Variants in PALLD observed in about 807,000 individuals in gnomAD.
PALLD encodes palladin.
PALLD carries 61 observed loss-of-function variants against 123.5 expected under a neutral mutation model. That is an observed-to-expected ratio of 0.49 (90% CI 0.40 to 0.61). PALLD has a LOEUF of 0.61. PALLD is among the 20% of genes least tolerant of loss of function. PALLD has a pLI of 0.00. For missense variants in PALLD, 1,273 were observed against 1,377.0 expected, an observed-to-expected ratio of 0.92 and a Z score of 1.20; for synonymous variants, 465 against 496.4, an observed-to-expected ratio of 0.94 and a Z score of 0.84.
At chr4:168,700,052 AC>A in intron 8 of PALLD, 1 of 330,478 alleles carries the variant, frequency 3.0e-6, no homozygotes, top group Non-Finnish European at 6.0e-6. Context: ...GTGAGATGCC[AC>A]CAGATGAAAA....
intron 10 of PALLD, among the ~76,000 whole-genome samples, chr4:168,821,298 A>T (rs562527415): frequency 1.3e-5 from 2 of 152,328 alleles, no homozygotes; most frequent in East Asian, 3.9e-4. Flanking sequence ...TAAGCATGAC[A>T]TTAGAAATGG....
intron 2 of PALLD, among the ~76,000 whole-genome samples, chr4:168,629,934 A>G (rs781275192): frequency 6.6e-6 from 1 of 152,212 alleles, no homozygotes; most frequent in African/African-American, 2.4e-5. Context: ...TGTCTAAGAC[A>G]TTTATATATG....
chr4:168,712,701 G>C (rs947985530), intron 10 of PALLD, among the ~76,000 whole-genome samples: 6 of 152,262 alleles, frequency 3.9e-5, no homozygotes, highest in African/African-American at 1.4e-4. Flanking sequence ...TAGTGGAAAT[G>C]TAAGAGTCAT....
intron 2 of PALLD, among the ~76,000 whole-genome samples, chr4:168,664,585 C>G (rs1383623019): frequency 6.6e-6 from 1 of 151,978 alleles, no homozygotes; most frequent in Non-Finnish European, 1.5e-5. Flanking sequence ...AGAAATAATG[C>G]AGAGAAAAGA....
intron 2 of PALLD, among the ~76,000 whole-genome samples, chr4:168,539,461 C>G (rs973124272): frequency 1.3e-5 from 2 of 151,826 alleles, no homozygotes; most frequent in Non-Finnish European, 2.9e-5. Flanking sequence ...GGTGGCGCAC[C>G]CCTGTAATCC....
Position 168,512,039 on chromosome 4 carries a change from C to A in PALLD, c.535C>A (p.Leu179Ile), listed in dbSNP as rs752492551. ...CAAGGCAGCTAATTTAATTGAGGAG[C>A]TAACATCCATATTTAAAGCCGCAAA... ...CDKAANLIEE[L>I]TSIFKAAKPR... The change falls in exon 2 of 22, where the codon CTA (leucine) becomes ATA (isoleucine). Residue 179 changes from leucine to isoleucine, a missense_variant. By Grantham distance (5) the Leu-to-Ile change is conservative (BLOSUM62 2). Transcript: ENST00000505667. The A allele has an allele frequency of 6.2e-7, 1 of 1,614,190 alleles. No homozygotes were observed. The highest frequency in any genetic ancestry group is 8.5e-7 in the Non-Finnish European group (1 of 1,180,040).
At chr4:168,623,606 A>G (rs976491308) in intron 2 of PALLD, among the ~76,000 whole-genome samples, 3 of 152,222 alleles carry the variant, frequency 2.0e-5, no homozygotes, top group Non-Finnish European at 4.4e-5. Flanking sequence ...AGCCCTGTAC[A>G]AGAGAGACAC....
chr4:168,637,735 G>C (rs1309903734), intron 2 of PALLD, among the ~76,000 whole-genome samples: 2 of 152,110 alleles, frequency 1.3e-5, no homozygotes, highest in Non-Finnish European at 2.9e-5. Context: ...CTTGAGGTCA[G>C]GAGTTTGAGA....
intron 10 of PALLD, among the ~76,000 whole-genome samples, chr4:168,796,675 A>G (rs1738558489): frequency 6.6e-6 from 1 of 152,234 alleles, no homozygotes; most frequent in African/African-American, 2.4e-5. Context: ...TGTAAATGTT[A>G]CAGAACGTCA....
intron 2 of PALLD, among the ~76,000 whole-genome samples, chr4:168,566,969 G>A (rs184185415): frequency 6.6e-6 from 1 of 152,236 alleles, no homozygotes; most frequent in Non-Finnish European, 1.5e-5. Flanking sequence ...GAAACATGTT[G>A]TCTTAATTGA....
At chr4:168,745,403 A>G (rs1481929908) in intron 10 of PALLD, among the ~76,000 whole-genome samples, 1 of 125,036 alleles carries the variant, frequency 8.0e-6, no homozygotes, top group Non-Finnish European at 1.6e-5. Context: ...TGGTGACATC[A>G]TTAGTTAGAG....
At chr4:168,832,129 A>C in intron 10 of PALLD, 1 of 982,602 alleles carries the variant, frequency 1.0e-6, no homozygotes, top group Non-Finnish European at 1.2e-6. Context: ...CTCGCTCCGG[A>C]CGCGGAATCG....
chr4:168,792,705 G>A (rs754770184), intron 10 of PALLD, among the ~76,000 whole-genome samples: 1 of 152,042 alleles, frequency 6.6e-6, no homozygotes, highest in Non-Finnish European at 1.5e-5. Context: ...CATCTGTGTG[G>A]GAGGATGCTG....
At chr4:168,661,087 T>C (rs1779091597) in intron 2 of PALLD, among the ~76,000 whole-genome samples, 1 of 152,028 alleles carries the variant, frequency 6.6e-6, no homozygotes, top group East Asian at 1.9e-4. Context: ...GTATTTTTAG[T>C]AGAGACGGGG....
rs369425785 is a variant in PALLD, at chr4:168,898,588, G to A, written c.2346G>A (p.Gln782=). ...TGGATGAATCAGGTGATGAAGTTCA[G>A]TATGGAGATGTGCCTGTGGAAAATG... The part of the protein sequence containing the change: ...SPVDESGDEV[Q]YGDVPVENGM... Residue 782 remains glutamine (Q), a synonymous_variant, in exon 14 of 22, where the codon CAG becomes CAA. Coordinates refer to ENST00000505667, the MANE Select transcript of PALLD (RefSeq NM_001166108.2). The A allele has an allele frequency of 6.2e-7, 1 of 1,613,530 alleles. No homozygotes were observed. The highest frequency in any genetic ancestry group is 8.5e-7 in the Non-Finnish European group (1 of 1,179,520).
intron 1 of PALLD, among the ~76,000 whole-genome samples, chr4:168,501,855 C>T (rs1761442636): frequency 6.6e-6 from 1 of 152,160 alleles, no homozygotes; most frequent in African/African-American, 2.4e-5. Context: ...TGCGAATGTG[C>T]ACTTCATTTT....
At chr4:168,542,763 T>TATATATATATATA (rs58803261) in intron 2 of PALLD, among the ~76,000 whole-genome samples, 1 of 110,066 alleles carries the variant, frequency 9.1e-6, no homozygotes, top group Non-Finnish European at 1.9e-5. Flanking sequence ...TATATATATA[T>TATATATATATATA]GGAGAGAAAG....
chr4:168,515,786 T>C (rs560768971), intron 2 of PALLD, among the ~76,000 whole-genome samples: 2 of 152,328 alleles, frequency 1.3e-5, no homozygotes, highest in Admixed American at 6.5e-5. Context: ...AGCAGAATCT[T>C]AGTGACTCAA....
At chr4:168,867,246 G>A (rs553814333) in intron 10 of PALLD, among the ~76,000 whole-genome samples, 1 of 152,190 alleles carries the variant, frequency 6.6e-6, no homozygotes. Flanking sequence ...CATAGTAAGT[G>A]CTCTATAGCA....
Sources: allele counts gnomAD v4.1 joint callset (sites outside exome capture counted in the v4.1 genomes callset), GRCh38; gene constraint gnomAD v4.1.1; transcripts MANE v1.5; gene names NCBI Gene and HGNC (gene_info 2026-07-23, HGNC 2026-07-21).